PCDHGB5: variants seen among roughly 807,000 people sequenced by gnomAD.
PCDHGB5 encodes the protein protocadherin gamma subfamily B, 5, also known as protocadherin gamma-B5.
PCDHGB5 carries 48 observed loss-of-function variants against 62.9 expected under a neutral mutation model. That is an observed-to-expected ratio of 0.76 (90% CI 0.61 to 0.97). The LOEUF is 0.97. Ranked by LOEUF, PCDHGB5 falls within the 50% of genes least tolerant of loss-of-function variation. The pLI, the probability that PCDHGB5 is intolerant of heterozygous loss-of-function variation, is 0.00. For synonymous variants in PCDHGB5, 474 were observed against 511.2 expected (o/e 0.93, Z 0.98); for missense variants, 1,118 against 1,198.6 (o/e 0.93, Z 0.99).
At chr5:141,413,677 G>C (rs539552615) in intron 1 of PCDHGB5, 1 of 1,613,794 alleles carries the variant, frequency 6.2e-7, no homozygotes, top group South Asian at 1.1e-5. Context: ...GGATGTGGGC[G>C]TGAACTCCCT....
chr5:141,428,513 AAAG>A (rs891793310), intron 1 of PCDHGB5: 2 of 280,938 alleles, frequency 7.1e-6, no homozygotes, highest in Non-Finnish European at 1.4e-5. Context: ...GATTCTAGAA[AAAG>A]AAGATTTAAT....
chr5:141,485,177 C>T lies in PCDHGB5; in HGVS notation c.2398-9630C>T. ...AGAGAATTAGCGGGCGGCAGCAATG[C>T]TCCGCAAGGTGAGAAGCTGGACAGA... On this transcript the variant is annotated intron_variant, in intron 1 of 3. Coordinates refer to ENST00000617380, the MANE Select transcript of PCDHGB5 (RefSeq NM_018925.3). This position sits in a 1 kb window ranked among gnomAD's most constrained non-coding sequence, Gnocchi z 5.7. 1 of 1,612,024 alleles carries T rather than the reference C, an allele frequency of 6.2e-7. No homozygotes were observed. Among genetic ancestry groups the T allele is most frequent in the South Asian group, 1.1e-5 (1 of 90,956 alleles).
chr5:141,407,123 C>T (rs1271155338), intron 1 of PCDHGB5, among the ~76,000 whole-genome samples: 2 of 152,078 alleles, frequency 1.3e-5, no homozygotes, highest in East Asian at 3.8e-4. Context: ...GTTTCAGTTG[C>T]TTTATTTTTA....
intron 1 of PCDHGB5, chr5:141,478,623 G>GT (rs1337268572): frequency 1.3e-5 from 20 of 1,554,356 alleles, no homozygotes; most frequent in Admixed American, 3.9e-5. Flanking sequence ...GAATGGAGCT[G>GT]TTTTTTTAGT....
At chr5:141,488,594 C>T (rs1398982317) in intron 1 of PCDHGB5, among the ~76,000 whole-genome samples, 3 of 152,164 alleles carry the variant, frequency 2.0e-5, no homozygotes, top group African/African-American at 7.2e-5. Context: ...CAGGGCAAGA[C>T]TTTACAAGGT....
intron 1 of PCDHGB5, chr5:141,468,696 C>G (rs1483766202): frequency 6.6e-6 from 1 of 151,386 alleles, no homozygotes; most frequent in East Asian, 2.0e-4. Context: ...GAAACCCCGT[C>G]TCTACTAAAA....
intron 1 of PCDHGB5, among the ~76,000 whole-genome samples, chr5:141,460,221 C>T (rs931609262): frequency 3.4e-4 from 51 of 151,918 alleles, no homozygotes; most frequent in African/African-American, 1.2e-3. Flanking sequence ...TTAGTTGTGT[C>T]TTTTGAAGAG....
chr5:141,503,608 A>G (rs1451651299), intron 2 of PCDHGB5, among the ~76,000 whole-genome samples: 3 of 151,994 alleles, frequency 2.0e-5, no homozygotes, highest in South Asian at 2.1e-4. Flanking sequence ...CAAAAAAAAA[A>G]AAAAAAGAAA....
At chr5:141,404,186 C>G in intron 1 of PCDHGB5, 1 of 1,613,086 alleles carries the variant, frequency 6.2e-7, no homozygotes, top group Non-Finnish European at 8.5e-7. Flanking sequence ...AATTCTTGAC[C>G]GAGAAAAAGC....
intron 1 of PCDHGB5, among the ~76,000 whole-genome samples, chr5:141,429,387 T>TAA (rs11410533): frequency 2.6e-5 from 4 of 151,334 alleles, no homozygotes; most frequent in African/African-American, 4.9e-5. Flanking sequence ...GTTTTTTTTT[T>TAA]AAAAAAAATT....
chr5:141,508,741 C>G (rs2099871426), intron 3 of PCDHGB5, among the ~76,000 whole-genome samples: 1 of 152,042 alleles, frequency 6.6e-6, no homozygotes, highest in Non-Finnish European at 1.5e-5. Context: ...ACCCCCCACC[C>G]CGCTCTTTCT....
At chr5:141,409,964 G>A (rs1042730924) in intron 1 of PCDHGB5, 5 of 1,613,300 alleles carry the variant, frequency 3.1e-6, no homozygotes, top group East Asian at 2.2e-5. Flanking sequence ...CGGCTACCTA[G>A]TGACTAAGGT....
At chr5:141,456,057 C>T (rs2098842079) in intron 1 of PCDHGB5, among the ~76,000 whole-genome samples, 1 of 151,914 alleles carries the variant, frequency 6.6e-6, no homozygotes, top group South Asian at 2.1e-4. Context: ...ACCACCACGT[C>T]CGGCTAATTT....
At chr5:141,425,047 A>G (rs1590618154) in intron 1 of PCDHGB5, among the ~76,000 whole-genome samples, 1 of 152,198 alleles carries the variant, frequency 6.6e-6, no homozygotes, top group Non-Finnish European at 1.5e-5. Context: ...TAAACTGACT[A>G]TCTAGGGCTC....
intron 1 of PCDHGB5, chr5:141,419,384 G>T (rs1383174444): frequency 1.2e-6 from 2 of 1,613,554 alleles, no homozygotes; most frequent in East Asian, 2.2e-5. Flanking sequence ...GTCCGTGAGC[G>T]CGCAGAGCGG....
chr5:141,507,937 A>T (rs2154594220), intron 3 of PCDHGB5: 1 of 152,420 alleles, frequency 6.6e-6, no homozygotes, highest in Admixed American at 6.5e-5. Context: ...AGAGGGGTTA[A>T]GTAAGAGGGA....
At chr5:141,435,447 A>C (rs2097764160) in intron 1 of PCDHGB5, among the ~76,000 whole-genome samples, 1 of 152,168 alleles carries the variant, frequency 6.6e-6, no homozygotes, top group Non-Finnish European at 1.5e-5. Context: ...CATTAATACG[A>C]TATCTGTATG....
At chr5:141,460,817 A>G (rs527681610) in intron 1 of PCDHGB5, among the ~76,000 whole-genome samples, 3 of 152,126 alleles carry the variant, frequency 2.0e-5, no homozygotes, top group South Asian at 2.1e-4. Context: ...ATGTATACAT[A>G]TATACACACT....
intron 1 of PCDHGB5, chr5:141,409,924 C>A (rs760490649): frequency 6.2e-7 from 1 of 1,613,416 alleles, no homozygotes; most frequent in Admixed American, 1.7e-5. Flanking sequence ...GCTCCGCGTT[C>A]TTCGATATGG....
Sources: allele counts gnomAD v4.1 joint callset (sites outside exome capture counted in the v4.1 genomes callset), GRCh38; gene constraint gnomAD v4.1.1; non-coding constraint Gnocchi (gnomAD v3.1); transcripts MANE v1.5; gene names NCBI Gene and HGNC (gene_info 2026-07-23, HGNC 2026-07-21).